Variants in VWDE observed in about 807,000 individuals in gnomAD.
VWDE encodes von Willebrand factor D and EGF domain-containing protein.
VWDE carries 207 observed loss-of-function variants against 178.4 expected under a neutral mutation model. The observed-to-expected ratio is 1.16, with a 90% CI of 1.04 to 1.30. The LOEUF (loss-of-function observed/expected upper bound fraction) is 1.30. VWDE is among the 50% of genes most tolerant of loss of function. The probability of loss-of-function intolerance (pLI) is 0.00; values close to 1 mark genes in which losing one functional copy is unlikely to be tolerated. For synonymous variants in VWDE, 738 were observed against 651.4 expected (o/e 1.13, Z -2.02); for missense variants, 2,287 against 1,901.3 (o/e 1.20, Z -3.77).
chr7:12,383,407 G>T, intron 4 of VWDE, 129 bp downstream of exon 4: 1 of 731,790 alleles, frequency 1.4e-6, no homozygotes, highest in Non-Finnish European at 2.2e-6. Context: ...TTTTATTTTT[G>T]ATAGCTACCA....
chr7:12,353,653 C>A (rs1467999742), intron 18 of VWDE, among the ~76,000 whole-genome samples: 4 of 151,822 alleles, frequency 2.6e-5, no homozygotes, highest in Admixed American at 2.6e-4. Flanking sequence ...TTTCTTAACT[C>A]TTCTTCCCAC....
intron 1 of VWDE, among the ~76,000 whole-genome samples, chr7:12,399,459 A>T (rs1784796350): frequency 6.6e-6 from 1 of 152,198 alleles, no homozygotes; most frequent in Non-Finnish European, 1.5e-5. Flanking sequence ...GCAGGGAAAA[A>T]ATACACATTT....
intron 18 of VWDE, among the ~76,000 whole-genome samples, chr7:12,355,265 A>C (rs1782166331): frequency 1.3e-5 from 2 of 152,038 alleles, no homozygotes; most frequent in African/African-American, 2.4e-5. Context: ...AAATACAAAA[A>C]AATTAGCCGG....
intron 23 of VWDE, among the ~76,000 whole-genome samples, chr7:12,341,822 C>G (rs1781348933): frequency 6.6e-6 from 1 of 151,874 alleles, no homozygotes; most frequent in South Asian, 2.1e-4. Context: ...AATATAAAAG[C>G]AAAAAAAGTA....
chr7:12,398,998 G>C (rs557858649), intron 1 of VWDE, among the ~76,000 whole-genome samples: 1 of 152,056 alleles, frequency 6.6e-6, no homozygotes, highest in Non-Finnish European at 1.5e-5. Context: ...AGCATCATGC[G>C]ATGTACCTTT....
chr7:12,390,151 C>T (rs1428192753), intron 2 of VWDE, among the ~76,000 whole-genome samples: 12 of 145,510 alleles, frequency 8.2e-5, no homozygotes, highest in South Asian at 2.2e-4. Context: ...GGCGACAGAG[C>T]GAGACTCCAT....
At chr7:12,388,975 A>C in intron 3 of VWDE, 152 bp downstream of exon 3, 1 of 747,714 alleles carries the variant, frequency 1.3e-6, no homozygotes, top group Non-Finnish European at 2.4e-6. Flanking sequence ...AATTTGACCA[A>C]TGTAAACAGA....
chr7:12,392,528 G>T (rs976056751), intron 2 of VWDE, among the ~76,000 whole-genome samples: 2 of 152,114 alleles, frequency 1.3e-5, no homozygotes, highest in African/African-American at 4.8e-5. Context: ...CGAATTAGGG[G>T]AACTTGCATT....
Position 12,347,596 on chromosome 7 carries a change from AG to A in VWDE, c.3887-3128del, listed in dbSNP as rs201569216. On this transcript the variant is annotated intron_variant, in intron 19 of 28. Transcript: ENST00000275358. ...GCTCAGAAATATATCTCAACATATA[AG>A]GGACTTTAAATAAAATATATGATAT... 1.4e-3 allele frequency among the ~76,000 whole-genome samples: 214 copies of A among 152,296 alleles called. 1 individual carries two copies. In the East Asian group the frequency reaches 0.035, roughly 25 times the overall value.
intron 19 of VWDE, among the ~76,000 whole-genome samples, chr7:12,347,614 A>C (rs7779334): frequency 1.4e-3 from 213 of 152,256 alleles, no homozygotes; most frequent in African/African-American, 5.0e-3. Flanking sequence ...TAAATAAAAT[A>C]TATGATATTT....
intron 2 of VWDE, among the ~76,000 whole-genome samples, chr7:12,392,876 C>G (rs1000107725): frequency 6.7e-6 from 1 of 150,258 alleles, no homozygotes; most frequent in African/African-American, 2.4e-5. Context: ...CCATTTAAAC[C>G]TGATGTGTTT....
intron 17 of VWDE, among the ~76,000 whole-genome samples, chr7:12,356,553 T>G (rs1391852882): frequency 6.6e-6 from 1 of 151,884 alleles, no homozygotes; most frequent in Non-Finnish European, 1.5e-5. Flanking sequence ...AATATAATAC[T>G]AAGGATAACT....
At position 12,351,704 on chromosome 7, in the gene VWDE, T is replaced by C; in HGVS notation, c.3755A>G (p.Gln1252Arg). The change falls in exon 19 of 29, where the codon CAG becomes CGG. Residue 1252 changes from glutamine (Q) to arginine (R), a missense_variant. By Grantham distance (43) the Gln-to-Arg change is conservative. Transcript: ENST00000275358. ...DCPPELKVETQFVNQFTTQTV... is the reference protein window; with the variant it reads ...DCPPELKVETRFVNQFTTQTV... ...TTGTGTAGTAAATTGATTTACAAAC[T>C]GTGTTTCAACTGTAAATGAGAACAA... 1 of 1,543,806 alleles carries C rather than the reference T, an allele frequency of 6.5e-7. No homozygotes were observed. The highest frequency in any genetic ancestry group is 8.7e-7 in the Non-Finnish European group (1 of 1,144,430).
At chr7:12,343,708 T>C (rs1024401774) in intron 21 of VWDE, among the ~76,000 whole-genome samples, 2 of 152,212 alleles carry the variant, frequency 1.3e-5, no homozygotes, top group African/African-American at 4.8e-5. Context: ...ACTTTAGGAA[T>C]GCTATTTCAT....
chr7:12,340,533 G>A (rs989976895), intron 23 of VWDE, 116 bp from the exon 24 acceptor site: 1 of 670,732 alleles, frequency 1.5e-6, no homozygotes, highest in African/African-American at 1.8e-5. Flanking sequence ...TGCAAGTAAA[G>A]CCCATAATGT....
intron 13 of VWDE, among the ~76,000 whole-genome samples, chr7:12,367,149 A>T (rs1583311790): frequency 6.6e-6 from 1 of 152,166 alleles, no homozygotes; most frequent in East Asian, 1.9e-4. Context: ...CAGTGAGCCG[A>T]TACTTCAATA....
In VWDE at chr7:12,331,117, A is replaced by C; in HGVS notation, c.*66T>G. 1 of 1,405,894 alleles carries C rather than the reference A, an allele frequency of 7.1e-7. No individual in the cohort carries two copies. The highest frequency in any genetic ancestry group is 9.6e-7 in the Non-Finnish European group (1 of 1,038,148). The allele number at this position is 1,405,894 out of a possible 1,614,324, so 87.1% of individuals were successfully genotyped here. On this transcript the variant is annotated 3_prime_UTR_variant, in exon 29 of 29. Transcript: ENST00000275358. Reference sequence around the variant, plus strand: ...TCAAATAAACTCCAAGTTATCTCCAACTTTTTCTGAACAAAATATTTCCAT... The same window carrying C: ...TCAAATAAACTCCAAGTTATCTCCACCTTTTTCTGAACAAAATATTTCCAT...
intron 19 of VWDE, among the ~76,000 whole-genome samples, chr7:12,345,495 G>A (rs1236326664): frequency 6.6e-6 from 1 of 152,120 alleles, no homozygotes; most frequent in African/African-American, 2.4e-5. Context: ...AACAAGGCTA[G>A]CCAGCACAAG....
chr7:12,357,181 C>T, intron 17 of VWDE, 84 bp downstream of exon 17: 1 of 1,464,570 alleles, frequency 6.8e-7, no homozygotes, highest in South Asian at 1.4e-5. Context: ...TTACAACTAG[C>T]AATATGGCTT....
Sources: gnomAD v4.1 joint callset for allele counts (sites outside exome capture counted in the v4.1 genomes callset) on GRCh38, gnomAD v4.1.1 for gene constraint, MANE v1.5 for transcripts, NCBI Gene and HGNC (gene_info 2026-07-23, HGNC 2026-07-21) for gene names.